Variants in KLRC3 observed in about 807,000 individuals in gnomAD.
KLRC3 encodes NKG2-E type II integral membrane protein.
In KLRC3, 16 loss-of-function variants were observed where a neutral mutation model predicts 23.6. That is an observed-to-expected ratio of 0.68 (90% CI 0.46 to 1.03). The LOEUF (loss-of-function observed/expected upper bound fraction) is 1.03, where lower values mean the gene tolerates loss of function less well. Ranked by LOEUF, KLRC3 falls within the 50% of genes least tolerant of loss-of-function variation. KLRC3 has a pLI of 0.00. For synonymous variants in KLRC3, 70 were observed against 71.8 expected, an observed-to-expected ratio of 0.98 and a Z score of 0.13; for missense variants, 209 against 232.2, an observed-to-expected ratio of 0.90 and a Z score of 0.65.
chr12:10,416,818 C>T lies in KLRC3; in HGVS notation c.487-51G>A, dbSNP rs1213542321. The T allele has an allele frequency of 1.9e-5, 27 of 1,444,108 alleles. No individual in the cohort carries two copies. The Middle Eastern group carries it at 6.2e-4, about 33-fold the overall frequency. The allele number at this position is 1,444,108 out of a possible 1,614,324, so 89.5% of individuals were successfully genotyped here. A position where few individuals can be genotyped will look rare whatever the true frequency, so the allele number is the denominator to read the frequency against. On this transcript the variant is annotated intron_variant, in intron 4 of 6. Transcript: ENST00000396439. The stretch of plus-strand genomic sequence containing the variant: ...TTAAATAATAATTATGAAAACATTA[C>T]AAAAACAATATATTAAAGTTGAAAA...
intron 6 of KLRC3, among the ~76,000 whole-genome samples, chr12:10,413,956 A>AG (rs1863607261): frequency 6.6e-6 from 1 of 152,086 alleles, no homozygotes; most frequent in South Asian, 2.1e-4. Context: ...GAGGACATGA[A>AG]CTCATCCTTT....
chr12:10,413,157 G>T (rs1216013253), intron 6 of KLRC3, among the ~76,000 whole-genome samples: 1 of 152,170 alleles, frequency 6.6e-6, no homozygotes, highest in Non-Finnish European at 1.5e-5. Context: ...ATAAAGGGAT[G>T]AAGAACATTT....
At chr12:10,418,213 A>G (rs1345513495) in intron 4 of KLRC3, 131 bp downstream of exon 4, 2 of 894,090 alleles carry the variant, frequency 2.2e-6, no homozygotes, top group Admixed American at 2.8e-5. Flanking sequence ...TATTAAGTCA[A>G]TCAACTGAAT....
At chr12:10,415,457 A>G in intron 6 of KLRC3, 2 of 581,076 alleles carry the variant, frequency 3.4e-6, no homozygotes, top group East Asian at 6.1e-5. Flanking sequence ...AACTTTTAGG[A>G]AGCCTGAATG....
chr12:10,417,805 C>T (rs1221430668), intron 4 of KLRC3, among the ~76,000 whole-genome samples: 1 of 152,126 alleles, frequency 6.6e-6, no homozygotes, highest in Non-Finnish European at 1.5e-5. Flanking sequence ...CAGATAACCG[C>T]AATAATATGG....
rs1863676953 is a variant in KLRC3 at position 10,418,501 on chromosome 12, A to C, written c.332-3T>G. The C allele has an allele frequency of 6.4e-7, 1 of 1,571,364 alleles. No homozygotes were observed. Among genetic ancestry groups the C allele is most frequent in the Non-Finnish European group, 8.7e-7 (1 of 1,147,540 alleles). On this transcript the variant is annotated splice_region_variant and splice_polypyrimidine_tract_variant and intron_variant, in intron 3 of 6. Transcript: ENST00000396439. ...AGGACAATGGCCACAATGACGTGCT[A>C]ATAAAGATATGAATTACTATCTAGA...
At chr12:10,412,912 G>A (rs1185103230) in intron 6 of KLRC3, among the ~76,000 whole-genome samples, 1 of 151,982 alleles carries the variant, frequency 6.6e-6, no homozygotes, top group Non-Finnish European at 1.5e-5. Context: ...CTCTTCTCTT[G>A]ATGCTTAATA....
At chr12:10,412,862 A>C (rs1014709599) in intron 6 of KLRC3, among the ~76,000 whole-genome samples, 1 of 152,328 alleles carries the variant, frequency 6.6e-6, no homozygotes, top group African/African-American at 2.4e-5. Flanking sequence ...TAGTTGAATA[A>C]AGTGAACAAG....
intron 6 of KLRC3, among the ~76,000 whole-genome samples, chr12:10,413,896 GTGATAGTTTGCTGAGAA>G (rs1863606382): frequency 6.7e-6 from 1 of 149,886 alleles, no homozygotes; most frequent in African/African-American, 2.5e-5. Flanking sequence ...TTCTGTCCTT[GTGATAGTTTGCTGAGAA>G]TGATGGTTTC....
intron 2 of KLRC3, chr12:10,419,570 G>C (rs1386667263): frequency 6.1e-6 from 7 of 1,152,646 alleles, no homozygotes; most frequent in Non-Finnish European, 8.3e-6. Context: ...CTTGTATTTG[G>C]GGAAGAATTG....
intron 5 of KLRC3, among the ~76,000 whole-genome samples, chr12:10,416,179 T>C (rs569930941): frequency 1.3e-5 from 2 of 152,208 alleles, no homozygotes; most frequent in Non-Finnish European, 2.9e-5. Context: ...TATTCTTAAG[T>C]AAAATAAGGG....
chr12:10,417,770 T>C (rs572243546), intron 4 of KLRC3, among the ~76,000 whole-genome samples: 2 of 152,304 alleles, frequency 1.3e-5, no homozygotes, highest in Admixed American at 6.5e-5. Context: ...TTGTACATAG[T>C]ACAGCAGTGA....
chr12:10,420,286 C>G, intron 1 of KLRC3, 78 bp downstream of exon 1: 1 of 1,433,408 alleles, frequency 7.0e-7, no homozygotes, highest in African/African-American at 1.4e-5. Flanking sequence ...GTAAAATATT[C>G]CCTAATCTTT....
intron 2 of KLRC3, chr12:10,419,448 C>T: frequency 8.2e-6 from 3 of 365,568 alleles, no homozygotes; most frequent in South Asian, 2.4e-5. Flanking sequence ...CACATGTTCT[C>T]TACAATGATT....
chr12:10,412,739 A>G (rs1304061304), intron 6 of KLRC3, 123 bp from the exon 7 acceptor site: 1 of 616,386 alleles, frequency 1.6e-6, no homozygotes, highest in Non-Finnish European at 2.8e-6. Flanking sequence ...GTGAGCCGAG[A>G]TGAAATTTAC....
chr12:10,412,796 C>G (rs777192318), intron 6 of KLRC3, among the ~76,000 whole-genome samples, 180 bp from the exon 7 acceptor site: 1 of 152,080 alleles, frequency 6.6e-6, no homozygotes, highest in African/African-American at 2.4e-5. Context: ...ATTTTCCAAA[C>G]CATTAGTAAT....
chr12:10,415,835 C>A lies in KLRC3; in HGVS notation c.588-41G>T, dbSNP rs1444708059. 8 of 1,405,992 alleles carry A rather than the reference C, an allele frequency of 5.7e-6. No individual in the cohort carries two copies. The East Asian group carries it at 1.8e-4, about 32-fold the overall frequency. 87.1% of individuals were successfully genotyped at this position (1,405,992 alleles called of 1,614,324 possible). On this transcript the variant is annotated intron_variant, in intron 5 of 6. Transcript: ENST00000396439. ...ATCCATAATTCTGTTACATTTTATG[C>A]AAATGACCCATGAGACAAAAGCATT...
At chr12:10,416,169 T>C (rs78117909) in intron 5 of KLRC3, among the ~76,000 whole-genome samples, 124 of 152,342 alleles carry the variant, frequency 8.1e-4, no homozygotes, top group Non-Finnish European at 2.2e-4. Flanking sequence ...GCTTTGAGGA[T>C]ATTCTTAAGT....
chr12:10,420,345 G>A lies in KLRC3; in HGVS notation c.187+19C>T, dbSNP rs762620693. On this transcript the variant is annotated intron_variant, in intron 1 of 6. Transcript: ENST00000396439. ...CACATCCCAGAACAATAACATTGAA[G>A]ATATATTTAATGTTTTACCTTGGCA... 6 of 1,603,944 alleles carry A rather than the reference G, an allele frequency of 3.7e-6. No homozygotes were observed. Among genetic ancestry groups the A allele is most frequent in the Middle Eastern group, 1.7e-4 (1 of 6,046 alleles).
Sources: gnomAD v4.1 joint callset for allele counts (sites outside exome capture counted in the v4.1 genomes callset) on GRCh38, gnomAD v4.1.1 for gene constraint, MANE v1.5 for transcripts, NCBI Gene and HGNC (gene_info 2026-07-23, HGNC 2026-07-21) for gene names.